PPP2R5C: variants seen among roughly 807,000 people sequenced by gnomAD.
PPP2R5C encodes the protein serine/threonine-protein phosphatase 2A 56 kDa regulatory subunit gamma isoform.
Under a neutral mutation model 68.9 loss-of-function variants are expected in PPP2R5C, and 7 were observed. The observed-to-expected ratio is 0.10, with a 90% CI of 0.06 to 0.19. PPP2R5C has a LOEUF of 0.19. Ranked by LOEUF, PPP2R5C falls within the 10% of genes least tolerant of loss-of-function variation. PPP2R5C has a pLI of 1.00. For synonymous variants in PPP2R5C, 210 were observed against 222.2 expected (o/e 0.95, Z 0.49); for missense variants, 348 against 641.3 (o/e 0.54, Z 4.94).
chr14:101,863,603 A>G (rs2042885520), intron 2 of PPP2R5C, among the ~76,000 whole-genome samples: 1 of 152,264 alleles, frequency 6.6e-6, no homozygotes, highest in East Asian at 1.9e-4. Context: ...CTTGTTAGAA[A>G]TGCAGATTCT....
exon 14 of PPP2R5C, chr14:101,925,264 G>C: frequency 6.2e-7 from 1 of 1,612,912 alleles, no homozygotes; most frequent in Admixed American, 1.7e-5. Flanking sequence ...CTCCCAGGAC[G>C]GCCGCTAGCC....
At chr14:101,856,806 C>T in exon 2 of PPP2R5C, 1 of 1,614,170 alleles carries the variant, frequency 6.2e-7, no homozygotes, top group South Asian at 1.1e-5. Context: ...AAACGAGCTG[C>T]TTTAAGTGAA....
chr14:101,838,864 T>G (rs1290927126), intron 1 of PPP2R5C: 2 of 151,900 alleles, frequency 1.3e-5, no homozygotes, highest in Non-Finnish European at 2.9e-5. Context: ...GCCAACATGG[T>G]GAAACCCCGT....
intron 7 of PPP2R5C, among the ~76,000 whole-genome samples, chr14:101,893,385 G>A (rs188315047): frequency 9.2e-4 from 140 of 152,328 alleles, no homozygotes; most frequent in African/African-American, 3.2e-3. Flanking sequence ...TCTGAGAGGA[G>A]TTTTCTGTAG....
chr14:101,781,922 C>T lies in PPP2R5C; in HGVS notation c.94-4096C>T, dbSNP rs927459294. On this transcript the variant is annotated intron_variant, in intron 2 of 14. Coordinates refer to the PPP2R5C transcript ENST00000328724. This position sits in a 1 kb window ranked among gnomAD's most constrained non-coding sequence, Gnocchi z 6.4. The stretch of plus-strand genomic sequence containing the variant: ...CCGCCCTAGCACCCGCTCCCGCTCC[C>T]ACCTCGTCTGCGCCCACCCGCTCTG... 6.6e-6 allele frequency among the ~76,000 whole-genome samples: 1 copy of T among 151,888 alleles called. No homozygotes were observed. The highest frequency in any genetic ancestry group is 1.5e-5 in the Non-Finnish European group (1 of 67,902).
intron 3 of PPP2R5C, among the ~76,000 whole-genome samples, chr14:101,800,100 T>C (rs1002433660): frequency 1.3e-5 from 2 of 151,340 alleles, no homozygotes; most frequent in Non-Finnish European, 2.9e-5. Flanking sequence ...AATTTAAAAA[T>C]TAGCCAGGCA....
chr14:101,874,802 C>T (rs1045233545), intron 2 of PPP2R5C, among the ~76,000 whole-genome samples: 10 of 151,988 alleles, frequency 6.6e-5, no homozygotes, highest in South Asian at 4.1e-4. Context: ...TGCAGTGGCA[C>T]GATCTCAGCT....
rs2044221861 is a variant in PPP2R5C, at chr14:101,882,416, A to C, written c.405+145A>C. 3.6e-6 allele frequency: 2 copies of C among 548,998 alleles called. No individual in the cohort carries two copies. The highest frequency in any genetic ancestry group is 7.4e-5 in the Admixed American group (2 of 27,084). 34.0% of individuals were successfully genotyped at this position (548,998 alleles called of 1,614,324 possible). A position where few individuals can be genotyped will look rare whatever the true frequency, so the allele number is the denominator to read the frequency against. On this transcript the variant is annotated intron_variant, in intron 3 of 13. Coordinates refer to ENST00000334743, the Ensembl canonical transcript of PPP2R5C. The surrounding 1 kb of genome is among the most constrained non-coding windows in gnomAD (Gnocchi z 4.9). ...CTCGTAAACCCATATGTACAAGAAA[A>C]ATATTTCAGCAGAATAAAGTTAATG... is the stretch of plus-strand genomic sequence containing the variant.
chr14:101,762,023 CG>C, intron 1 of PPP2R5C, 103 bp downstream of exon 1: 2 of 1,079,716 alleles, frequency 1.9e-6, no homozygotes, highest in Middle Eastern at 4.1e-4. Flanking sequence ...CTCAGTTCCC[CG>C]CCTGACGCCG....
At chr14:101,905,888 C>T (rs1030417449) in intron 9 of PPP2R5C, among the ~76,000 whole-genome samples, 22 of 152,252 alleles carry the variant, frequency 1.4e-4, no homozygotes, top group Admixed American at 1.2e-3. Flanking sequence ...GCACACGCAC[C>T]GCCGCTGCCT....
chr14:101,765,034 CA>C, intron 2 of PPP2R5C: 1 of 608,570 alleles, frequency 1.6e-6, no homozygotes, highest in Non-Finnish European at 3.0e-6. Flanking sequence ...TCAAAGATAC[CA>C]AAATCACTAC....
intron 1 of PPP2R5C, among the ~76,000 whole-genome samples, chr14:101,826,569 A>T (rs1397458344): frequency 6.7e-5 from 10 of 149,626 alleles, no homozygotes; most frequent in South Asian, 4.3e-4. Context: ...GGAAGTGTGA[A>T]CTCTCCTACT....
chr14:101,816,372 C>A (rs1485570280), intron 1 of PPP2R5C, among the ~76,000 whole-genome samples: 2 of 152,166 alleles, frequency 1.3e-5, no homozygotes, highest in Non-Finnish European at 2.9e-5. Flanking sequence ...ACCAGTACTC[C>A]CACAGCAGGT....
rs866311363 is a variant in PPP2R5C at position 101,882,107 on chromosome 14, G to T, written c.295-54G>T. The T allele has an allele frequency of 7.3e-7, 1 of 1,378,910 alleles. No homozygotes were observed. 85.4% of individuals were successfully genotyped at this position (1,378,910 alleles called of 1,614,324 possible). ...ATTACCTAAGACTTTATAAAATGTT[G>T]TCTGTAAATATTTTAAATGCCCTGA... On this transcript the variant is annotated intron_variant, in intron 2 of 13. Coordinates refer to ENST00000334743, the Ensembl canonical transcript of PPP2R5C. The surrounding 1 kb of genome is among the most constrained non-coding windows in gnomAD (Gnocchi z 4.9).
chr14:101,839,853 C>T (rs1031531171), intron 1 of PPP2R5C, among the ~76,000 whole-genome samples: 3 of 152,146 alleles, frequency 2.0e-5, no homozygotes, highest in African/African-American at 7.2e-5. Context: ...AACAGAGGAG[C>T]CCATGAAGCC....
intron 8 of PPP2R5C, among the ~76,000 whole-genome samples, chr14:101,900,970 G>A (rs557701924): frequency 3.2e-4 from 48 of 152,350 alleles, no homozygotes; most frequent in African/African-American, 1.1e-3. Context: ...CGCCCTGCCC[G>A]GGAGGTCCCA....
chr14:101,828,954 C>T (rs777351549), intron 1 of PPP2R5C, among the ~76,000 whole-genome samples: 2 of 152,230 alleles, frequency 1.3e-5, no homozygotes, highest in African/African-American at 2.4e-5. Flanking sequence ...GCTGAGAGTA[C>T]AGGCGCAAGC....
chr14:101,851,487 C>T (rs80224741), intron 1 of PPP2R5C, among the ~76,000 whole-genome samples: 5,290 of 152,174 alleles, frequency 0.035, 230 homozygotes, highest in African/African-American at 0.096. Context: ...GACCTGATGA[C>T]GCTGTGGTCT....
intron 5 of PPP2R5C, chr14:101,889,724 G>A: frequency 6.5e-6 from 2 of 308,346 alleles, no homozygotes; most frequent in South Asian, 5.4e-5. Flanking sequence ...TGTCAGTGGG[G>A]AACTGGGCAG....
Sources: gnomAD v4.1 joint callset for allele counts (sites outside exome capture counted in the v4.1 genomes callset) on GRCh38, gnomAD v4.1.1 for gene constraint, Gnocchi (gnomAD v3.1) non-coding constraint, MANE v1.5 for transcripts, NCBI Gene and HGNC (gene_info 2026-07-23, HGNC 2026-07-21) for gene names.